ADAMTSL1: variants seen among roughly 807,000 people sequenced by gnomAD.
ADAMTSL1 encodes ADAMTS-like protein 1.
ADAMTSL1 carries 126 observed loss-of-function variants against 201.8 expected under a neutral mutation model. The observed-to-expected ratio is 0.62, with a 90% CI of 0.54 to 0.72. ADAMTSL1 has a LOEUF of 0.72. Ranked by LOEUF, ADAMTSL1 falls within the 30% of genes least tolerant of loss-of-function variation. ADAMTSL1 has a pLI of 0.00. For missense variants in ADAMTSL1, 2,679 were observed against 2,277.8 expected, an observed-to-expected ratio of 1.18 and a Z score of -3.59; for synonymous variants, 1,121 against 903.4, an observed-to-expected ratio of 1.24 and a Z score of -4.32.
chr9:17,926,259 T>C (rs1399112377), intron 1 of ADAMTSL1, among the ~76,000 whole-genome samples: 3 of 152,198 alleles, frequency 2.0e-5, no homozygotes, highest in Admixed American at 6.5e-5. Flanking sequence ...TTTATTGGTA[T>C]AAGATGAAAT....
intron 1 of ADAMTSL1, among the ~76,000 whole-genome samples, chr9:17,995,815 G>A (rs544712980): frequency 1.1e-4 from 16 of 151,472 alleles, no homozygotes; most frequent in Non-Finnish European, 2.2e-4. Context: ...GGATAAAAAT[G>A]CTGGTGCTGG....
At chr9:18,019,681 A>G (rs1432039744) in intron 1 of ADAMTSL1, among the ~76,000 whole-genome samples, 1 of 152,114 alleles carries the variant, frequency 6.6e-6, no homozygotes, top group Non-Finnish European at 1.5e-5. Flanking sequence ...GTCATGGGTG[A>G]CCCACTAAGC....
chr9:18,427,919 T>C (rs1379909817), intron 2 of ADAMTSL1, among the ~76,000 whole-genome samples: 1 of 152,162 alleles, frequency 6.6e-6, no homozygotes, highest in African/African-American at 2.4e-5. Context: ...TGGTAAAGAG[T>C]AAAATGCCTC....
intron 2 of ADAMTSL1, among the ~76,000 whole-genome samples, chr9:18,399,906 G>T (rs1817919504): frequency 6.6e-6 from 1 of 151,938 alleles, no homozygotes; most frequent in Non-Finnish European, 1.5e-5. Context: ...CAATAACTCA[G>T]GAAAGGACTG....
chr9:18,091,269 C>T (rs572964088), intron 1 of ADAMTSL1, among the ~76,000 whole-genome samples: 67 of 152,090 alleles, frequency 4.4e-4, no homozygotes, highest in Non-Finnish European at 9.3e-4. Flanking sequence ...TATATTATAT[C>T]TTATTTATAT....
At chr9:17,930,570 A>G (rs1295645108) in intron 1 of ADAMTSL1, among the ~76,000 whole-genome samples, 2 of 152,244 alleles carry the variant, frequency 1.3e-5, no homozygotes, top group African/African-American at 4.8e-5. Context: ...TTGGAGAGTC[A>G]TAAATATATG....
At chr9:18,903,657 G>A (rs1830131387) in intron 26 of ADAMTSL1, among the ~76,000 whole-genome samples, 1 of 152,160 alleles carries the variant, frequency 6.6e-6, no homozygotes, top group Non-Finnish European at 1.5e-5. Context: ...TAAGGGGGTA[G>A]AGACATCCAT....
intron 23 of ADAMTSL1, among the ~76,000 whole-genome samples, chr9:18,876,389 T>C (rs1480504875): frequency 3.3e-5 from 5 of 151,930 alleles, no homozygotes; most frequent in Non-Finnish European, 1.5e-5. Context: ...TTTTGGTGTA[T>C]TTTGAGGATT....
intron 15 of ADAMTSL1, chr9:18,723,321 A>G: frequency 1.8e-6 from 1 of 549,732 alleles, no homozygotes. Context: ...AAAAACATGC[A>G]AAAGGGTCTT....
chr9:18,647,943 T>G (rs13302184), intron 7 of ADAMTSL1, among the ~76,000 whole-genome samples: 9,993 of 137,584 alleles, frequency 0.073, 546 homozygotes, highest in Non-Finnish European at 0.11. Context: ...GGGTATCCTT[T>G]TTGACTTTCT....
chr9:18,563,376 C>T (rs934711211), intron 3 of ADAMTSL1, among the ~76,000 whole-genome samples: 3 of 152,210 alleles, frequency 2.0e-5, no homozygotes, highest in Non-Finnish European at 4.4e-5. Context: ...CTGTTGCTTC[C>T]TCTGGAAGCT....
At chr9:18,806,065 T>G (rs1158649742) in intron 20 of ADAMTSL1, among the ~76,000 whole-genome samples, 1 of 152,206 alleles carries the variant, frequency 6.6e-6, no homozygotes, top group African/African-American at 2.4e-5. Flanking sequence ...GGGAAATTAT[T>G]TTGAAGTATA....
At chr9:18,424,958 T>C (rs1324868102) in intron 2 of ADAMTSL1, among the ~76,000 whole-genome samples, 4 of 152,202 alleles carry the variant, frequency 2.6e-5, no homozygotes, top group Non-Finnish European at 5.9e-5. Context: ...AGAAAGTGTT[T>C]GAATTACCAC....
In ADAMTSL1 at chr9:17,995,727, G is replaced by A. The variant is rs193219369; in HGVS notation, c.87+88805G>A. ...CAAGATTGCTTAAATTAATAGAGAA[G>A]ATACATTTATAATTAGTATTTATAT... On this transcript the variant is annotated intron_variant, in intron 1 of 29. Coordinates refer to the ADAMTSL1 transcript ENST00000680146. Among the ~76,000 whole-genome samples the A allele has an allele frequency of 1.3e-3, 203 of 151,970 alleles. 1 individual carries two copies. Among genetic ancestry groups the A allele is most frequent in the Admixed American group, 1.8e-3 (27 of 15,228 alleles).
intron 2 of ADAMTSL1, among the ~76,000 whole-genome samples, chr9:18,314,734 C>A (rs962299719): frequency 3.7e-4 from 51 of 137,596 alleles, no homozygotes; most frequent in African/African-American, 1.3e-3. Flanking sequence ...GCTTCCACAG[C>A]GTGGAAGGGG....
At chr9:18,231,108 T>A (rs1388147538) in intron 2 of ADAMTSL1, among the ~76,000 whole-genome samples, 1 of 152,146 alleles carries the variant, frequency 6.6e-6, no homozygotes, top group East Asian at 1.9e-4. Context: ...TTGATGTCTT[T>A]TATTGCAACC....
In ADAMTSL1 at chr9:18,690,859, C is replaced by G. The variant is rs113983790; in HGVS notation, c.1574+6059C>G. Among the ~76,000 whole-genome samples the G allele has an allele frequency of 6.6e-3, 1,007 of 152,286 alleles. 7 individuals are homozygous for G. Among genetic ancestry groups the G allele is most frequent in the African/African-American group, 0.022 (895 of 41,558 alleles). On this transcript the variant is annotated intron_variant, in intron 13 of 28. Coordinates refer to ENST00000380548, the MANE Select transcript of ADAMTSL1 (RefSeq NM_001040272.6). ...TGGGCTAATTCCATATTCTAGATGA[C>G]TTTAGAGAGCCACTAGACTTGCTAA...
At chr9:18,176,561 T>C (rs1215132982) in intron 2 of ADAMTSL1, among the ~76,000 whole-genome samples, 5 of 152,196 alleles carry the variant, frequency 3.3e-5, no homozygotes, top group Non-Finnish European at 7.4e-5. Context: ...CCTCTCGTAA[T>C]GGAAGAAGAA....
chr9:18,097,101 A>G (rs1824285401), intron 1 of ADAMTSL1, among the ~76,000 whole-genome samples: 1 of 152,140 alleles, frequency 6.6e-6, no homozygotes, highest in South Asian at 2.1e-4. Flanking sequence ...ACCCATCCCC[A>G]TTCCAAGCCA....
Sources: allele counts gnomAD v4.1 joint callset (sites outside exome capture counted in the v4.1 genomes callset), GRCh38; gene constraint gnomAD v4.1.1; transcripts MANE v1.5; gene names NCBI Gene and HGNC (gene_info 2026-07-23, HGNC 2026-07-21).